KAZN: variants seen among roughly 807,000 people sequenced by gnomAD.
KAZN encodes kazrin.
A neutral mutation model predicts 87.4 loss-of-function variants in KAZN; 40 were observed. That is an observed-to-expected ratio of 0.46 (90% confidence interval 0.36 to 0.60). The LOEUF is 0.60. KAZN is among the 20% of genes least tolerant of loss of function. The probability of loss-of-function intolerance (pLI) is 0.00; values close to 1 mark genes in which losing one functional copy is unlikely to be tolerated. For missense variants in KAZN, 898 were observed against 1,073.9 expected (o/e 0.84, Z 2.29); for synonymous variants, 466 against 458.3 (o/e 1.02, Z -0.22).
chr1:14,363,478 T>C (rs1443884395), intron 2 of KAZN, among the ~76,000 whole-genome samples: 2 of 152,170 alleles, frequency 1.3e-5, no homozygotes, highest in East Asian at 1.9e-4. Context: ...ATTTGTTACA[T>C]GGGAGGAACA....
chr1:15,042,313 G>A (rs1573154246), intron 3 of KAZN, among the ~76,000 whole-genome samples: 1 of 152,186 alleles, frequency 6.6e-6, no homozygotes, highest in East Asian at 1.9e-4. Context: ...TAAGCTCCAC[G>A]AGTGCAGGGA....
intron 10 of KAZN, 136 bp from the exon 11 acceptor site, chr1:15,101,407 T>C: frequency 3.1e-6 from 2 of 642,318 alleles, no homozygotes; most frequent in African/African-American, 3.6e-5. Context: ...TGTCCATGTC[T>C]GTCTCTGTGG....
intron 10 of KAZN, among the ~76,000 whole-genome samples, chr1:15,097,625 C>T (rs553105457): frequency 6.6e-6 from 1 of 152,098 alleles, no homozygotes; most frequent in Non-Finnish European, 1.5e-5. Flanking sequence ...TCGAGACCAG[C>T]CTAACCAACA....
At chr1:14,562,722 GAGC>G (rs947700431) in intron 2 of KAZN, among the ~76,000 whole-genome samples, 1 of 152,196 alleles carries the variant, frequency 6.6e-6, no homozygotes, top group Non-Finnish European at 1.5e-5. Flanking sequence ...GATGTTCACT[GAGC>G]ACCTACTAAG....
intron 1 of KAZN, among the ~76,000 whole-genome samples, chr1:14,804,790 G>A (rs78207015): frequency 1.4e-4 from 8 of 57,818 alleles, no homozygotes; most frequent in Middle Eastern, 0.012. Flanking sequence ...AGATCAAGAC[G>A]AGCTGTGGTC....
At chr1:15,059,550 G>C (rs994196611) in intron 5 of KAZN, among the ~76,000 whole-genome samples, 1 of 152,170 alleles carries the variant, frequency 6.6e-6, no homozygotes, top group African/African-American at 2.4e-5. Flanking sequence ...GACCCACCGG[G>C]AGGCCTCATG....
Position 15,114,620 on chromosome 1 carries a change from G to T in KAZN, c.2313G>T (p.Glu771Asp). 6.3e-7 allele frequency: 1 copy of T among 1,587,636 alleles called. No individual in the cohort carries two copies. Among genetic ancestry groups the T allele is most frequent in the Non-Finnish European group, 8.6e-7 (1 of 1,166,928 alleles). Reference protein sequence around the residue: ...QCRLEGYNSLEVTNV With the variant: ...QCRLEGYNSLDVTNV ...GTCTGGAAGGCTACAACAGCCTGGA[G>T]GTCACCAACGTGTAAGGAACTGGTG... is the stretch of plus-strand genomic sequence containing the variant. Residue 771 changes from glutamate (E) to aspartate (D), a missense_variant, in exon 15 of 15, where the codon GAG (glutamate) becomes GAT (aspartate). Glu to Asp is a conservative substitution (Grantham distance 45, BLOSUM62 2). Transcript: ENST00000376030.
At chr1:13,927,041 T>C (rs2100921474) in intron 1 of KAZN, among the ~76,000 whole-genome samples, 1 of 152,366 alleles carries the variant, frequency 6.6e-6, no homozygotes, top group East Asian at 1.9e-4. Flanking sequence ...GATTCTGTCA[T>C]TGTAGCGTGG....
intron 1 of KAZN, among the ~76,000 whole-genome samples, chr1:14,845,204 T>G (rs1648575412): frequency 6.9e-6 from 1 of 144,754 alleles, no homozygotes. Context: ...GATGGGTGAG[T>G]GAGTGGATGG....
intron 1 of KAZN, among the ~76,000 whole-genome samples, chr1:14,617,890 A>T (rs1219746146): frequency 6.6e-6 from 1 of 152,218 alleles, no homozygotes; most frequent in Non-Finnish European, 1.5e-5. Context: ...CCCATTTGGC[A>T]GTGGCAGAAG....
At position 14,976,732 on chromosome 1, in the gene KAZN, C is replaced by A. The variant is rs140871122; in HGVS notation, c.418+15857C>A. ...CTCCCCCTGGGTGCCCAGCACTGGG[C>A]TGAAGAACACACGGCAGGGCGCTCA... On this transcript the variant is annotated intron_variant, in intron 2 of 14. Transcript: ENST00000376030. Among the ~76,000 whole-genome samples, 664 of 152,282 alleles carry A rather than the reference C, an allele frequency of 4.4e-3. 7 individuals are homozygous for A. Among genetic ancestry groups the A allele is most frequent in the South Asian group, 0.03 (147 of 4,824 alleles).
rs115151291 is a variant in KAZN, at chr1:14,656,008, A to G, written c.226+56785A>G. 5.3e-3 allele frequency among the ~76,000 whole-genome samples: 800 copies of G among 151,924 alleles called. 18 individuals carry two copies. Among genetic ancestry groups the G allele is most frequent in the Admixed American group, 0.012 (189 of 15,266 alleles). On this transcript the variant is annotated intron_variant, in intron 1 of 14. Coordinates refer to ENST00000376030, the MANE Select transcript of KAZN (RefSeq NM_201628.3). Reference sequence around the variant, plus strand: ...TTCACTTGGCACCCTCCCCTTAACAACCTCTGCCTGGCAACCTTCATTCAA... The same window carrying G: ...TTCACTTGGCACCCTCCCCTTAACAGCCTCTGCCTGGCAACCTTCATTCAA...
intron 1 of KAZN, among the ~76,000 whole-genome samples, chr1:13,927,762 T>G (rs1640341596): frequency 6.6e-6 from 1 of 152,148 alleles, no homozygotes; most frequent in South Asian, 2.1e-4. Flanking sequence ...GAAGGTCGCA[T>G]AGCAACTGAA....
intron 1 of KAZN, among the ~76,000 whole-genome samples, chr1:14,902,179 A>G (rs1656001315): frequency 6.6e-6 from 1 of 152,034 alleles, no homozygotes; most frequent in Non-Finnish European, 1.5e-5. Context: ...ACATGCTTTG[A>G]TGGACATAAA....
intron 2 of KAZN, among the ~76,000 whole-genome samples, chr1:14,397,312 T>C (rs555360134): frequency 1.6e-4 from 25 of 152,304 alleles, no homozygotes; most frequent in South Asian, 6.2e-4. Context: ...CATGGTCAAA[T>C]TCTGGTGAAG....
rs1257266317 is a variant in KAZN, at chr1:14,909,326, A to G, written c.227-51358A>G. ...CTCACACAGTTAACTATACTCTACT[A>G]TCTTGGCAAGGATTCCCCATGGCCT... On this transcript the variant is annotated intron_variant, in intron 1 of 14. Transcript: ENST00000376030. 3.9e-5 allele frequency among the ~76,000 whole-genome samples: 6 copies of G among 152,238 alleles called. No individual in the cohort carries two copies. The East Asian group carries it at 9.7e-4, about 25-fold the overall frequency.
chr1:14,438,208 C>CT (rs1347731692), intron 2 of KAZN, among the ~76,000 whole-genome samples: 1 of 152,026 alleles, frequency 6.6e-6, no homozygotes. Context: ...TGGGTATAGG[C>CT]TTACATCAAA....
intron 11 of KAZN, among the ~76,000 whole-genome samples, chr1:15,103,049 G>A (rs1641136768): frequency 6.6e-6 from 1 of 152,318 alleles, no homozygotes; most frequent in South Asian, 2.1e-4. Context: ...TCACAAACAA[G>A]GTCAGGAGTT....
chr1:14,774,397 T>C (rs72636655), intron 1 of KAZN, among the ~76,000 whole-genome samples: 22,581 of 151,420 alleles, frequency 0.15, 1,830 homozygotes, highest in African/African-American at 0.23. Flanking sequence ...TCTCCGCTTA[T>C]CTCCTCCCTT....
Sources: gnomAD v4.1 joint callset for allele counts (sites outside exome capture counted in the v4.1 genomes callset) on GRCh38, gnomAD v4.1.1 for gene constraint, MANE v1.5 for transcripts, NCBI Gene and HGNC (gene_info 2026-07-23, HGNC 2026-07-21) for gene names.